Variants in RARB observed in about 807,000 individuals in gnomAD.
RARB encodes retinoic acid receptor beta, also known as HBV-activated protein.
RARB carries 17 observed loss-of-function variants against 51.9 expected under a neutral mutation model. That is an observed-to-expected ratio of 0.33 (90% CI 0.22 to 0.49). The LOEUF is 0.49. RARB is among the 20% of genes least tolerant of loss of function. The pLI is 0.99. For missense variants in RARB, 369 were observed against 550.8 expected, an observed-to-expected ratio of 0.67 and a Z score of 3.30; for synonymous variants, 215 against 195.4, an observed-to-expected ratio of 1.10 and a Z score of -0.84.
intron 5 of RARB, among the ~76,000 whole-genome samples, chr3:25,286,936 A>G (rs1195979011): frequency 6.6e-6 from 1 of 152,220 alleles, no homozygotes; most frequent in Admixed American, 6.5e-5. Context: ...TATCATGGCC[A>G]GAAATGAAAA....
At chr3:25,163,504 A>AAAAAAAAAAAATATATATATAT (rs1303712411) in intron 4 of RARB, among the ~76,000 whole-genome samples, 13 of 131,112 alleles carry the variant, frequency 9.9e-5, no homozygotes, top group African/African-American at 4.2e-4. Flanking sequence ...CCTATCTCAA[A>AAAAAAAAAAAATATATATATAT]ATATATATAT....
chr3:25,294,058 G>A (rs1008649129), intron 5 of RARB, among the ~76,000 whole-genome samples: 6 of 152,104 alleles, frequency 3.9e-5, no homozygotes, highest in African/African-American at 1.4e-4. Context: ...GTTCACCGAA[G>A]GATTCACCGA....
At chr3:25,174,976 C>T (rs1700715491) in intron 5 of RARB, among the ~76,000 whole-genome samples, 1 of 152,276 alleles carries the variant, frequency 6.6e-6, no homozygotes, top group Middle Eastern at 3.4e-3. Flanking sequence ...GTGAGATCTT[C>T]TCTGAATCTT....
intron 4 of RARB, among the ~76,000 whole-genome samples, chr3:25,152,877 G>C (rs1316916816): frequency 6.6e-6 from 1 of 152,168 alleles, no homozygotes; most frequent in Non-Finnish European, 1.5e-5. Flanking sequence ...GGAGCCACTA[G>C]CCAGATGATG....
chr3:25,058,287 G>C (rs1435741278), intron 2 of RARB, among the ~76,000 whole-genome samples: 1 of 151,854 alleles, frequency 6.6e-6, no homozygotes, highest in Non-Finnish European at 1.5e-5. Context: ...TGTTGATATA[G>C]TATGCTTTGC....
At chr3:25,492,237 A>C (rs1201648937) in intron 2 of RARB, among the ~76,000 whole-genome samples, 1 of 152,214 alleles carries the variant, frequency 6.6e-6, no homozygotes, top group African/African-American at 2.4e-5. Context: ...CTGGTCATTT[A>C]AGAAGTATGG....
chr3:25,499,717 G>A (rs1269669598), intron 2 of RARB, among the ~76,000 whole-genome samples: 2 of 152,198 alleles, frequency 1.3e-5, no homozygotes, highest in Non-Finnish European at 2.9e-5. Flanking sequence ...GGAATAGTAG[G>A]ATGACAAAGC....
chr3:24,878,862 C>T (rs1293863230), intron 2 of RARB, among the ~76,000 whole-genome samples: 1 of 152,044 alleles, frequency 6.6e-6, no homozygotes, highest in African/African-American at 2.4e-5. Context: ...TGTCTCCTGC[C>T]TATAGATAAA....
chr3:25,010,139 C>A (rs4566498), intron 2 of RARB, among the ~76,000 whole-genome samples: 131 of 130,258 alleles, frequency 1.0e-3, no homozygotes, highest in African/African-American at 4.8e-3. Context: ...TTTTTTATAC[C>A]GAGGCCAGGA....
At chr3:25,581,439 G>T (rs569362358) in intron 5 of RARB, among the ~76,000 whole-genome samples, 1 of 152,286 alleles carries the variant, frequency 6.6e-6, no homozygotes, top group Non-Finnish European at 1.5e-5. Flanking sequence ...CCCCACCAGG[G>T]AAAGAGAGGG....
chr3:24,973,402 AT>A (rs1437793144), intron 2 of RARB, among the ~76,000 whole-genome samples: 5 of 152,208 alleles, frequency 3.3e-5, no homozygotes, highest in Non-Finnish European at 7.4e-5. Flanking sequence ...CAATAGTATA[AT>A]GCCCCCAACT....
intron 3 of RARB, among the ~76,000 whole-genome samples, chr3:25,098,182 C>G (rs1253290839): frequency 1.3e-5 from 2 of 152,002 alleles, no homozygotes. Flanking sequence ...GAGCAGAGGC[C>G]TGAAGGGTGA....
At chr3:25,081,621 ATTTTTTTTTTTT>A (rs1168828068) in intron 3 of RARB, among the ~76,000 whole-genome samples, 1 of 5,804 alleles carries the variant, frequency 1.7e-4, no homozygotes, top group African/African-American at 5.9e-4. Flanking sequence ...ATATATATAT[ATTTTTTTTTTTT>A]TTTTTTTTTT....
At chr3:25,151,980 A>G (rs1384551432) in intron 4 of RARB, among the ~76,000 whole-genome samples, 2 of 152,146 alleles carry the variant, frequency 1.3e-5, no homozygotes, top group Admixed American at 6.6e-5. Context: ...GGAAAATGAC[A>G]TTCTTCTTCC....
chr3:24,929,808 T>C (rs1195822826), intron 2 of RARB, among the ~76,000 whole-genome samples: 1 of 152,124 alleles, frequency 6.6e-6, no homozygotes, highest in South Asian at 2.1e-4. Flanking sequence ...TGCTGCTACA[T>C]AGGCTGCTGT....
intron 5 of RARB, among the ~76,000 whole-genome samples, chr3:25,262,253 A>G (rs777982812): frequency 6.6e-6 from 1 of 152,092 alleles, no homozygotes; most frequent in Non-Finnish European, 1.5e-5. Flanking sequence ...CACTACACGT[A>G]ATGACTATTC....
chr3:24,876,846 G>A (rs943339728), intron 2 of RARB, among the ~76,000 whole-genome samples: 11 of 152,094 alleles, frequency 7.2e-5, no homozygotes, highest in Non-Finnish European at 1.2e-4. Context: ...TCATTTATCA[G>A]ATATTTACTA....
intron 2 of RARB, among the ~76,000 whole-genome samples, chr3:25,471,347 A>G (rs1695681260): frequency 1.3e-5 from 2 of 152,252 alleles, no homozygotes; most frequent in African/African-American, 4.8e-5. Flanking sequence ...GTGCTTTAAG[A>G]AAAATCTCAG....
chr3:24,919,886 T>A lies in RARB; in HGVS notation c.-380+61134T>A, dbSNP rs192483634. On this transcript the variant is annotated intron_variant, in intron 2 of 11. Transcript: ENST00000383772. ...GAACTCTGAACAGTCTTGATACAAT[T>A]GTGTACAAAAGTCCAAAATGGCAAA... Among the ~76,000 whole-genome samples, 383 of 152,266 alleles carry A rather than the reference T, an allele frequency of 2.5e-3. 1 individual carries two copies. Among genetic ancestry groups the A allele is most frequent in the Non-Finnish European group, 2.5e-3 (171 of 68,024 alleles).
Sources: gnomAD v4.1 joint callset for allele counts (sites outside exome capture counted in the v4.1 genomes callset) on GRCh38, gnomAD v4.1.1 for gene constraint, MANE v1.5 for transcripts, NCBI Gene and HGNC (gene_info 2026-07-23, HGNC 2026-07-21) for gene names.